Variants in CPA6 observed in about 807,000 individuals in gnomAD.
CPA6 encodes carboxypeptidase B.
Under a neutral mutation model 63.3 loss-of-function variants are expected in CPA6, and 58 were observed. That is an observed-to-expected ratio of 0.92 (90% CI 0.74 to 1.14). CPA6 has a LOEUF of 1.14. Among genes scored for constraint, CPA6 ranks in the 50% most tolerant of loss-of-function variants. CPA6 has a pLI of 0.00. For missense variants in CPA6, 565 were observed against 526.6 expected (o/e 1.07, Z -0.71); for synonymous variants, 185 against 179.0 (o/e 1.03, Z -0.27).
At chr8:67,733,823 A>G (rs1817761104) in intron 1 of CPA6, among the ~76,000 whole-genome samples, 1 of 146,254 alleles carries the variant, frequency 6.8e-6, no homozygotes, top group Admixed American at 6.9e-5. Flanking sequence ...AGCTGAGATA[A>G]CTCGGGTCAA....
intron 6 of CPA6, among the ~76,000 whole-genome samples, chr8:67,496,557 A>G (rs1254935783): frequency 1.0e-5 from 1 of 98,998 alleles, no homozygotes; most frequent in Non-Finnish European, 2.2e-5. Flanking sequence ...ATATATATAT[A>G]TTTATTTTAT....
rs1563971862 is a variant in CPA6 at position 67,484,792 on chromosome 8, AAAAG to A, written c.637-7_637-4del. Reference sequence around the variant, plus strand: ...TCACTCTTATATGTTAGAAGAGCCTAAAAGACAAAGGTGAGATTTTTCTTTTAAA... The same window carrying A: ...TCACTCTTATATGTTAGAAGAGCCTAACAAAGGTGAGATTTTTCTTTTAAA... On this transcript the variant is annotated splice_polypyrimidine_tract_variant and splice_region_variant and intron_variant, in intron 6 of 10. Transcript: ENST00000297770. 2.0e-6 allele frequency: 3 copies of A among 1,532,090 alleles called. No homozygotes were observed. The highest frequency in any genetic ancestry group is 2.7e-6 in the Non-Finnish European group (3 of 1,111,420). 94.9% of individuals were successfully genotyped at this position (1,532,090 alleles called of 1,614,324 possible).
chr8:67,507,750 T>C (rs191181094), intron 5 of CPA6, among the ~76,000 whole-genome samples: 2 of 152,274 alleles, frequency 1.3e-5, no homozygotes, highest in African/African-American at 2.4e-5. Flanking sequence ...GAGTGTTATG[T>C]TGAATTTTCC....
rs1809780401 is a variant in CPA6, at chr8:67,422,311, T to C, written c.*193A>G. ...AGGATAGAAAATGGATGCTTTTTCT[T>C]ATAACAAACTAGGCTATGCCCTGTT... On this transcript the variant is annotated 3_prime_UTR_variant, in exon 11 of 11. Coordinates refer to ENST00000297770, the MANE Select transcript of CPA6 (RefSeq NM_020361.5). 2.3e-6 allele frequency: 1 copy of C among 436,622 alleles called. No individual in the cohort carries two copies. The allele number at this position is 436,622 out of a possible 1,614,324, so 27.0% of individuals were successfully genotyped here. A position where few individuals can be genotyped will look rare whatever the true frequency, so the allele number is the denominator to read the frequency against.
chr8:67,709,252 A>C (rs539045462), intron 1 of CPA6, among the ~76,000 whole-genome samples: 8 of 152,282 alleles, frequency 5.3e-5, no homozygotes, highest in African/African-American at 1.9e-4. Context: ...AGAAACACAG[A>C]TCCTGGAATC....
At chr8:67,707,785 G>A (rs1197606778) in intron 1 of CPA6, among the ~76,000 whole-genome samples, 2 of 152,044 alleles carry the variant, frequency 1.3e-5, no homozygotes, top group Non-Finnish European at 2.9e-5. Context: ...GCATGTTCCT[G>A]TAGTCCTAGC....
At chr8:67,517,626 C>T (rs1273085619) in intron 3 of CPA6, among the ~76,000 whole-genome samples, 1 of 152,206 alleles carries the variant, frequency 6.6e-6, no homozygotes, top group African/African-American at 2.4e-5. Flanking sequence ...CCTGCCTTCT[C>T]ATCCACCCTC....
chr8:67,549,568 T>C (rs1019398569), intron 2 of CPA6, among the ~76,000 whole-genome samples: 2 of 152,238 alleles, frequency 1.3e-5, no homozygotes, highest in African/African-American at 2.4e-5. Flanking sequence ...CTATGCTATA[T>C]GGTAGATCCC....
chr8:67,713,688 C>G (rs532883908), intron 1 of CPA6, among the ~76,000 whole-genome samples: 1 of 152,306 alleles, frequency 6.6e-6, no homozygotes, highest in South Asian at 2.1e-4. Context: ...ATTATAATTG[C>G]AGTTTCCATC....
chr8:67,737,870 G>C (rs1817843550), intron 1 of CPA6, among the ~76,000 whole-genome samples: 2 of 152,148 alleles, frequency 1.3e-5, no homozygotes, highest in African/African-American at 2.4e-5. Flanking sequence ...GGTGGCCTGG[G>C]TTTTAGTCTT....
At chr8:67,642,699 T>C (rs1554528643) in intron 1 of CPA6, among the ~76,000 whole-genome samples, 1 of 151,982 alleles carries the variant, frequency 6.6e-6, no homozygotes, top group Non-Finnish European at 1.5e-5. Flanking sequence ...AGGGGTAGTA[T>C]GGCAGATCAG....
At chr8:67,594,611 C>G (rs893657022) in intron 2 of CPA6, among the ~76,000 whole-genome samples, 1 of 152,020 alleles carries the variant, frequency 6.6e-6, no homozygotes, top group Admixed American at 6.6e-5. Context: ...TCTAAACTTC[C>G]CTTCTTGCTT....
chr8:67,695,614 G>A (rs1254705003), intron 1 of CPA6, among the ~76,000 whole-genome samples: 3 of 152,172 alleles, frequency 2.0e-5, no homozygotes, highest in Non-Finnish European at 4.4e-5. Context: ...GTGGCAACTG[G>A]CTCACGCTCA....
At chr8:67,536,509 G>A (rs1339144081) in intron 2 of CPA6, among the ~76,000 whole-genome samples, 1 of 152,166 alleles carries the variant, frequency 6.6e-6, no homozygotes, top group Non-Finnish European at 1.5e-5. Context: ...TCTATTATTG[G>A]TGTATAGGAA....
At chr8:67,595,486 G>A (rs946615246) in intron 2 of CPA6, among the ~76,000 whole-genome samples, 1 of 152,238 alleles carries the variant, frequency 6.6e-6, no homozygotes, top group Non-Finnish European at 1.5e-5. Flanking sequence ...GCCCCCAGAG[G>A]TGGAGACTAC....
At chr8:67,493,888 G>A (rs899235665) in intron 6 of CPA6, among the ~76,000 whole-genome samples, 9 of 151,816 alleles carry the variant, frequency 5.9e-5, no homozygotes, top group African/African-American at 2.2e-4. Context: ...TCCATTTCAG[G>A]CCATTTTAGT....
intron 1 of CPA6, among the ~76,000 whole-genome samples, chr8:67,683,074 T>TC (rs1308732845): frequency 6.6e-6 from 1 of 152,178 alleles, no homozygotes; most frequent in East Asian, 1.9e-4. Context: ...CACCCGGGCT[T>TC]CCCCCCGGTC....
intron 8 of CPA6, among the ~76,000 whole-genome samples, chr8:67,451,779 A>G (rs1356228393): frequency 1.3e-5 from 2 of 152,176 alleles, no homozygotes; most frequent in Admixed American, 6.6e-5. Context: ...CACCACCACA[A>G]AATATTTTCA....
At chr8:67,691,250 A>G (rs774016840) in intron 1 of CPA6, among the ~76,000 whole-genome samples, 10 of 152,192 alleles carry the variant, frequency 6.6e-5, no homozygotes, top group Non-Finnish European at 4.4e-5. Flanking sequence ...GTAAGCGCAC[A>G]GCTCTACACC....
Sources: allele counts gnomAD v4.1 joint callset (sites outside exome capture counted in the v4.1 genomes callset), GRCh38; gene constraint gnomAD v4.1.1; transcripts MANE v1.5; gene names NCBI Gene and HGNC (gene_info 2026-07-23, HGNC 2026-07-21).